Variants in CDC6 observed in about 807,000 individuals in gnomAD.
CDC6 encodes the protein cell division cycle 6.
Under a neutral mutation model 60.2 loss-of-function variants are expected in CDC6, and 46 were observed. That is an observed-to-expected ratio of 0.76 (90% CI 0.60 to 0.98). The LOEUF (loss-of-function observed/expected upper bound fraction) is 0.98, where lower values mean the gene tolerates loss of function less well. Ranked by LOEUF, CDC6 falls within the 50% of genes least tolerant of loss-of-function variation. The pLI, the probability that CDC6 is intolerant of heterozygous loss-of-function variation, is 0.00. For missense variants in CDC6, 596 were observed against 652.9 expected (o/e 0.91, Z 0.95); for synonymous variants, 210 against 233.2 (o/e 0.90, Z 0.90).
At chr17:40,293,375 T>C (rs1861782352) in intron 4 of CDC6, 81 bp from the exon 5 acceptor site, 22 of 1,013,146 alleles carry the variant, frequency 2.2e-5, no homozygotes, top group East Asian at 4.8e-5. Context: ...TGCTGTTAGC[T>C]CTTCAAAGAC....
rs1285609892 is a variant in CDC6, at chr17:40,303,108, C to T, written c.*1107C>T. ...TCCAGTCTTATTAGATAAATTAGTCCATATGGTTGGTTAATCAAGAGCCTT... is the reference window on the plus strand; with the variant it reads ...TCCAGTCTTATTAGATAAATTAGTCTATATGGTTGGTTAATCAAGAGCCTT... On this transcript the variant is annotated 3_prime_UTR_variant, in exon 12 of 12. Coordinates refer to ENST00000209728, the MANE Select transcript of CDC6 (RefSeq NM_001254.4). 6.6e-6 allele frequency: 1 copy of T among 152,044 alleles called. No individual in the cohort carries two copies. The highest frequency in any genetic ancestry group is 2.4e-5 in the African/African-American group (1 of 41,384). 9.4% of individuals were successfully genotyped at this position (152,044 alleles called of 1,614,324 possible).
chr17:40,293,584 G>A lies in CDC6; in HGVS notation c.789G>A (p.Met263Ile), dbSNP rs764112565. 1 of 1,613,938 alleles carries A rather than the reference G, an allele frequency of 6.2e-7. No individual in the cohort carries two copies. The highest frequency in any genetic ancestry group is 8.5e-7 in the Non-Finnish European group (1 of 1,179,782). The change falls in exon 5 of 12, where the codon ATG becomes ATA. Residue 263 changes from methionine to isoleucine, a missense_variant. Physicochemically the swap from Met to Ile is conservative, Grantham distance 10 (BLOSUM62 1). Coordinates refer to ENST00000209728, the MANE Select transcript of CDC6 (RefSeq NM_001254.4). ...EEVSRPAGKDMMRKLEKHMTA... is the reference protein window; with the variant it reads ...EEVSRPAGKDIMRKLEKHMTA... ...TATCCAGGCCAGCTGGGAAGGACAT[G>A]ATGAGGAAATTGGAAAAACATATGA... is the stretch of plus-strand genomic sequence containing the variant.
At chr17:40,291,777 GCT>G in intron 4 of CDC6, 109 bp downstream of exon 4, 2 of 1,163,680 alleles carry the variant, frequency 1.7e-6, no homozygotes, top group Non-Finnish European at 2.5e-6. Context: ...ACGGAGTCTC[GCT>G]CTGTCGCCTA....
chr17:40,302,338 A>AT lies in CDC6; in HGVS notation c.*344dup. 2 of 275,076 alleles carry AT rather than the reference A, an allele frequency of 7.3e-6. No homozygotes were observed. Among genetic ancestry groups the AT allele is most frequent in the South Asian group, 4.4e-5 (1 of 22,534 alleles). The allele number at this position is 275,076 out of a possible 1,614,324, so 17.0% of individuals were successfully genotyped here. Reference sequence around the variant, plus strand: ...TTCGTTTGCTCAAACATGAGTGGGTATTTTTTTGTTTGTTTTTTTTGTTGT... The same window carrying AT: ...TTCGTTTGCTCAAACATGAGTGGGTATTTTTTTTGTTTGTTTTTTTTGTTGT... On this transcript the variant is annotated 3_prime_UTR_variant, in exon 12 of 12. Transcript: ENST00000209728.
chr17:40,291,093 C>A lies in CDC6; in HGVS notation c.214C>A (p.Pro72Thr). 6.2e-7 allele frequency: 1 copy of A among 1,614,164 alleles called. No homozygotes were observed. The highest frequency in any genetic ancestry group is 8.5e-7 in the Non-Finnish European group (1 of 1,180,026). The part of the protein sequence containing the change: ...DNLCNTPHLP[P>T]CSPPKQGKKE... ...CCTATGCAACACTCCCCATTTACCT[C>A]CTTGTTCTCCACCAAAGCAAGGCAA... The change falls in exon 3 of 12, where the codon CCT (proline) becomes ACT (threonine). Residue 72 changes from proline to threonine, a missense_variant. Transcript: ENST00000209728.
In CDC6 at chr17:40,301,928, A is replaced by G; in HGVS notation, c.1610A>G (p.Glu537Gly). Reference protein sequence around the residue: ...TRLTKVFFKIEEKEIEHALKD... With the variant: ...TRLTKVFFKIGEKEIEHALKD... The stretch of plus-strand genomic sequence containing the variant: ...TCTTTCCAGGTGTTTTTCAAGATTG[A>G]AGAGAAAGAAATAGAACATGCTCTG... Residue 537 changes from glutamate (E) to glycine (G), a missense_variant, in exon 12 of 12, where the codon GAA becomes GGA. Physicochemically the swap from Glu to Gly is moderately conservative, Grantham distance 98. Coordinates refer to ENST00000209728, the MANE Select transcript of CDC6 (RefSeq NM_001254.4). 2.5e-6 allele frequency: 4 copies of G among 1,591,610 alleles called. No homozygotes were observed. Among genetic ancestry groups the G allele is most frequent in the Non-Finnish European group, 3.4e-6 (4 of 1,159,606 alleles).
At chr17:40,289,641 C>T (rs779684884) in intron 2 of CDC6, 43 bp downstream of exon 2, 1 of 1,509,326 alleles carries the variant, frequency 6.6e-7, no homozygotes, top group Non-Finnish European at 9.2e-7. Flanking sequence ...CAGCTCGTGA[C>T]CTTTCTTTTC....
rs2032967117 is a variant in CDC6 at position 40,303,688 on chromosome 17, T to C, written c.*1687T>C. Reference sequence around the variant, plus strand: ...GTTTGAACATGGAAACACAGTTCTATACCTAGAAGGTTGGAAAGTGTCTGG... The same window carrying C: ...GTTTGAACATGGAAACACAGTTCTACACCTAGAAGGTTGGAAAGTGTCTGG... On this transcript the variant is annotated 3_prime_UTR_variant, in exon 12 of 12. Transcript: ENST00000209728. 6.6e-6 allele frequency: 1 copy of C among 152,272 alleles called. No homozygotes were observed. The highest frequency in any genetic ancestry group is 1.5e-5 in the Non-Finnish European group (1 of 68,044). The allele number at this position is 152,272 out of a possible 1,614,324, so 9.4% of individuals were successfully genotyped here.
chr17:40,301,623 T>C lies in CDC6; in HGVS notation c.1593+15T>C, dbSNP rs1431911353. ...GTTTGACAAAGGTACAACTGCTTTTTTGTGACAGTGTTTTTAATTGTCCTA... is the reference window on the plus strand; with the variant it reads ...GTTTGACAAAGGTACAACTGCTTTTCTGTGACAGTGTTTTTAATTGTCCTA... On this transcript the variant is annotated intron_variant, in intron 11 of 11. Coordinates refer to ENST00000209728, the MANE Select transcript of CDC6 (RefSeq NM_001254.4). 1.2e-6 allele frequency: 2 copies of C among 1,613,550 alleles called. No individual in the cohort carries two copies.
In CDC6 at chr17:40,295,475, G is replaced by A. The variant is rs1015121117; in HGVS notation, c.1184+19G>A. On this transcript the variant is annotated intron_variant, in intron 8 of 11. Coordinates refer to ENST00000209728, the MANE Select transcript of CDC6 (RefSeq NM_001254.4). Reference sequence around the variant, plus strand: ...TTTGCAGGTGAGTTACGGCTCTGTTGCATTCTTTTATTAAAAAAAAAAAAA... The same window carrying A: ...TTTGCAGGTGAGTTACGGCTCTGTTACATTCTTTTATTAAAAAAAAAAAAA... The A allele has an allele frequency of 6.9e-7, 1 of 1,449,348 alleles. No homozygotes were observed. The highest frequency in any genetic ancestry group is 9.7e-7 in the Non-Finnish European group (1 of 1,032,460). 89.8% of individuals were successfully genotyped at this position (1,449,348 alleles called of 1,614,324 possible). A position where few individuals can be genotyped will look rare whatever the true frequency, so the allele number is the denominator to read the frequency against.
Position 40,300,902 on chromosome 17 carries a change from G to C in CDC6, c.1324G>C (p.Asp442His), listed in dbSNP as rs2032930736. 6.2e-7 allele frequency: 1 copy of C among 1,614,052 alleles called. No individual in the cohort carries two copies. The highest frequency in any genetic ancestry group is 8.5e-7 in the Non-Finnish European group (1 of 1,179,924). The change falls in exon 10 of 12, where the codon GAT becomes CAT. Residue 442 changes from aspartate (D) to histidine (H), a missense_variant. Asp to His is a moderately conservative substitution (Grantham distance 81). Coordinates refer to ENST00000209728, the MANE Select transcript of CDC6 (RefSeq NM_001254.4). ...CATATCCCAAGTCATCTCAGAAGTT[G>C]ATGGTAACAGGATGACCTTGAGCCA... is the stretch of plus-strand genomic sequence containing the variant. ...IHISQVISEVDGNRMTLSQEG... is the reference protein window; with the variant it reads ...IHISQVISEVHGNRMTLSQEG...
At position 40,291,126 on chromosome 17, in the gene CDC6, A is replaced by C. The variant is rs771094921; in HGVS notation, c.247A>C (p.Asn83His). 1 of 1,614,136 alleles carries C rather than the reference A, an allele frequency of 6.2e-7. No individual in the cohort carries two copies. Among genetic ancestry groups the C allele is most frequent in the South Asian group, 1.1e-5 (1 of 91,082 alleles). ...TCCACCAAAGCAAGGCAAGAAAGAGAATGGTCCCCCTCACTCACATACACT... is the reference window on the plus strand; with the variant it reads ...TCCACCAAAGCAAGGCAAGAAAGAGCATGGTCCCCCTCACTCACATACACT... ...CSPPKQGKKE[N>H]GPPHSHTLKG... The change falls in exon 3 of 12, where the codon AAT (asparagine) becomes CAT (histidine). Residue 83 changes from asparagine (N) to histidine (H), a missense_variant. Transcript: ENST00000209728.
rs1031689898 is a variant in CDC6 at position 40,290,395 on chromosome 17, G to A, written c.179-663G>A. On this transcript the variant is annotated intron_variant, in intron 2 of 11. Transcript: ENST00000209728. ...GGGGTTGCTACTGGCATAGTGGGTA[G>A]AGGCCAGGGATGCTGCTAGACATTA... Among the ~76,000 whole-genome samples the A allele has an allele frequency of 2.0e-5, 3 of 152,294 alleles. No individual in the cohort carries two copies. The East Asian group carries it at 5.8e-4, about 29-fold the overall frequency.
chr17:40,303,934 C>G lies in CDC6; in HGVS notation c.*1933C>G, dbSNP rs903909102. On this transcript the variant is annotated 3_prime_UTR_variant, in exon 12 of 12. Transcript: ENST00000209728. Reference sequence around the variant, plus strand: ...TAGGATCCTGCCCAATAAGGAGCAGCCTCCCCACCTCATTGTGTTTGAGGC... The same window carrying G: ...TAGGATCCTGCCCAATAAGGAGCAGGCTCCCCACCTCATTGTGTTTGAGGC... 3.3e-5 allele frequency: 5 copies of G among 152,248 alleles called. No homozygotes were observed. The highest frequency in any genetic ancestry group is 1.2e-4 in the African/African-American group (5 of 41,466). 9.4% of individuals were successfully genotyped at this position (152,248 alleles called of 1,614,324 possible).
At chr17:40,291,005 C>T in intron 2 of CDC6, 53 bp from the exon 3 acceptor site, 1 of 1,577,336 alleles carries the variant, frequency 6.3e-7, no homozygotes, top group South Asian at 1.1e-5. Context: ...CTTGCACATC[C>T]TTTTACTATC....
intron 8 of CDC6, 21 bp downstream of exon 8, chr17:40,295,477 A>C: frequency 7.0e-7 from 1 of 1,428,062 alleles, no homozygotes; most frequent in Non-Finnish European, 9.9e-7. Context: ...GCTCTGTTGC[A>C]TTCTTTTATT....
chr17:40,289,641 C>G (rs779684884), intron 2 of CDC6, 43 bp downstream of exon 2: 4 of 1,509,326 alleles, frequency 2.7e-6, no homozygotes. Flanking sequence ...CAGCTCGTGA[C>G]CTTTCTTTTC....
chr17:40,299,194 C>G (rs1402614986), intron 9 of CDC6, among the ~76,000 whole-genome samples: 1 of 120,942 alleles, frequency 8.3e-6, no homozygotes, highest in Non-Finnish European at 1.6e-5. Context: ...TGTCACCAGG[C>G]TGGAGTGCAG....
intron 10 of CDC6, 136 bp downstream of exon 10, chr17:40,301,166 G>A (rs1177577806): frequency 2.7e-6 from 2 of 748,650 alleles, no homozygotes; most frequent in Non-Finnish European, 4.8e-6. Flanking sequence ...AATTAATACT[G>A]GTACTATATA....
Sources: gnomAD v4.1 joint callset for allele counts (sites outside exome capture counted in the v4.1 genomes callset) on GRCh38, gnomAD v4.1.1 for gene constraint, MANE v1.5 for transcripts, NCBI Gene and HGNC (gene_info 2026-07-23, HGNC 2026-07-21) for gene names.